HERC3: variants seen among roughly 807,000 people sequenced by gnomAD.
The protein encoded by HERC3 is probable E3 ubiquitin-protein ligase HERC3.
In HERC3, 58 loss-of-function variants were observed where a neutral mutation model predicts 129.9. That is an observed-to-expected ratio of 0.45 (90% CI 0.36 to 0.56). HERC3 has a LOEUF of 0.56. HERC3 is among the 20% of genes least tolerant of loss of function. The probability of loss-of-function intolerance (pLI) is 0.00; values close to 1 mark genes in which losing one functional copy is unlikely to be tolerated. For missense variants in HERC3, 835 were observed against 1,244.2 expected (o/e 0.67, Z 4.95); for synonymous variants, 430 against 451.0 (o/e 0.95, Z 0.59).
the HERC3 span, among the ~76,000 whole-genome samples, chr4:88,572,314 G>C: frequency 1.3e-5 from 2 of 152,020 alleles, no homozygotes; most frequent in African/African-American, 2.4e-5. Context: ...TGTAGTCCCA[G>C]CTACTTGGGC....
chr4:88,631,496 A>G (rs192681425), intron 3 of HERC3, among the ~76,000 whole-genome samples: 14 of 152,314 alleles, frequency 9.2e-5, no homozygotes, highest in African/African-American at 3.4e-4. Flanking sequence ...TCTTATCATA[A>G]CTAATCTTTC....
intron 24 of HERC3, 90 bp downstream of exon 24, chr4:88,704,371 C>T: frequency 2.9e-6 from 4 of 1,395,266 alleles, no homozygotes; most frequent in Non-Finnish European, 4.0e-6. Flanking sequence ...TCGTTCCAAG[C>T]ATACTGTGGT....
At position 88,605,668 on chromosome 4, in the gene HERC3, T is replaced by C. The variant is rs1578151339; in HGVS notation, c.-29-127T>C. On this transcript the variant is annotated intron_variant, in intron 2 of 25. Coordinates refer to ENST00000402738, the MANE Select transcript of HERC3 (RefSeq NM_014606.3). ...TCAACAGTATTAATATGTTTTATTT[T>C]GAGTTGTAAGATATCTGAAGAATAT... is the stretch of plus-strand genomic sequence containing the variant. The C allele has an allele frequency of 7.1e-6, 4 of 566,426 alleles. No homozygotes were observed. The East Asian group carries it at 8.7e-5, about 12-fold the overall frequency. The allele number at this position is 566,426 out of a possible 1,614,324, so 35.1% of individuals were successfully genotyped here.
intron 21 of HERC3, among the ~76,000 whole-genome samples, chr4:88,685,845 T>C (rs1043837196): frequency 1.3e-5 from 2 of 152,170 alleles, no homozygotes; most frequent in Non-Finnish European, 2.9e-5. Context: ...ATTTTATCTG[T>C]GTACTAATAA....
the HERC3 span, among the ~76,000 whole-genome samples, chr4:88,567,288 T>C: frequency 6.6e-6 from 1 of 152,218 alleles, no homozygotes; most frequent in Non-Finnish European, 1.5e-5. Context: ...AGGTTAAATC[T>C]GCTTGGTTTT....
upstream of HERC3, among the ~76,000 whole-genome samples, chr4:88,590,261 CCTT>C (rs1055040924): frequency 2.7e-5 from 4 of 148,832 alleles, no homozygotes; most frequent in Middle Eastern, 3.8e-3. Context: ...GAGCGAGACT[CCTT>C]CTCAAAAAAA....
At chr4:88,562,820 G>A in the HERC3 span, among the ~76,000 whole-genome samples, 1 of 152,144 alleles carries the variant, frequency 6.6e-6, no homozygotes, top group Non-Finnish European at 1.5e-5. Flanking sequence ...TAGATGTATG[G>A]ATTTATTTCT....
At chr4:88,642,867 C>T (rs1305960445) in intron 3 of HERC3, among the ~76,000 whole-genome samples, 1 of 148,154 alleles carries the variant, frequency 6.7e-6, no homozygotes, top group Admixed American at 6.9e-5. Context: ...TATTCAACAT[C>T]ATGCTAGAAG....
chr4:88,697,711 G>T (rs751084080), intron 23 of HERC3: 5 of 1,611,824 alleles, frequency 3.1e-6, no homozygotes, highest in Non-Finnish European at 4.2e-6. Context: ...CGCTGCCGCC[G>T]CCTGGCTAGG....
intron 6 of HERC3, among the ~76,000 whole-genome samples, chr4:88,653,320 T>G (rs1365689566): frequency 6.6e-6 from 1 of 152,072 alleles, no homozygotes; most frequent in East Asian, 1.9e-4. Flanking sequence ...TTACATAAGG[T>G]GGTGGGGAAG....
chr4:88,617,087 T>G (rs1724979202), intron 3 of HERC3, among the ~76,000 whole-genome samples: 1 of 150,950 alleles, frequency 6.6e-6, no homozygotes, highest in South Asian at 2.1e-4. Context: ...ATTTTTCTCC[T>G]TTAGTACGCT....
At chr4:88,542,052 C>T in the HERC3 span, among the ~76,000 whole-genome samples, 59 of 151,986 alleles carry the variant, frequency 3.9e-4, no homozygotes, top group Admixed American at 2.9e-3. Context: ...GAAGCAAGAG[C>T]AAACACATTC....
the HERC3 span, among the ~76,000 whole-genome samples, chr4:88,545,430 C>CCTTTTTTTTTTTTTTTTTTTTTTT: frequency 2.5e-3 from 275 of 110,388 alleles, 11 homozygotes; most frequent in African/African-American, 8.1e-3. Context: ...TTTGAGAATT[C>CCTTTTTTTTTTTTTTTTTTTTTTT]TTTTTTTTTT....
Position 88,668,012 on chromosome 4 carries a change from T to G in HERC3, c.1564T>G (p.Tyr522Asp). 4 of 1,613,606 alleles carry G rather than the reference T, an allele frequency of 2.5e-6. No individual in the cohort carries two copies. Among genetic ancestry groups the G allele is most frequent in the Non-Finnish European group, 3.4e-6 (4 of 1,179,552 alleles). ...EFPLLQDSKY[Y>D]ITLTIPLAMA... Reference sequence around the variant, plus strand: ...TCCCCTACTCCAGGATTCCAAGTATTATATAACATTGACTATTCCCTTGGC... The same window carrying G: ...TCCCCTACTCCAGGATTCCAAGTATGATATAACATTGACTATTCCCTTGGC... Residue 522 changes from tyrosine to aspartate, a missense_variant, in exon 14 of 26, where the codon TAT becomes GAT. By Grantham distance (160) the Tyr-to-Asp change is radical (BLOSUM62 -3). Transcript: ENST00000402738.
chr4:88,559,234 G>T, the HERC3 span, among the ~76,000 whole-genome samples: 1 of 152,080 alleles, frequency 6.6e-6, no homozygotes, highest in Non-Finnish European at 1.5e-5. Flanking sequence ...AGGCATAAAT[G>T]GGTTAATGTA....
At chr4:88,634,999 G>A (rs910613708) in intron 3 of HERC3, among the ~76,000 whole-genome samples, 2 of 152,018 alleles carry the variant, frequency 1.3e-5, no homozygotes, top group African/African-American at 4.8e-5. Context: ...CTTATCCAAG[G>A]GTTAGCAGGC....
chr4:88,541,038 T>C, the HERC3 span, among the ~76,000 whole-genome samples: 1 of 152,178 alleles, frequency 6.6e-6, no homozygotes, highest in African/African-American at 2.4e-5. Flanking sequence ...CATCAATTAA[T>C]GAGCAAAATA....
intron 2 of HERC3, among the ~76,000 whole-genome samples, chr4:88,602,418 A>G (rs1723105879): frequency 1.3e-5 from 2 of 151,664 alleles, no homozygotes; most frequent in Non-Finnish European, 2.9e-5. Context: ...AAAAAAAAAA[A>G]AAAAAAAAGT....
the HERC3 span, among the ~76,000 whole-genome samples, chr4:88,549,948 G>A: frequency 6.6e-6 from 1 of 152,190 alleles, no homozygotes; most frequent in Admixed American, 6.5e-5. Context: ...ACGCGAACAG[G>A]AGGAAGAGTC....
Sources: allele counts gnomAD v4.1 joint callset (sites outside exome capture counted in the v4.1 genomes callset), GRCh38; gene constraint gnomAD v4.1.1; transcripts MANE v1.5; gene names NCBI Gene and HGNC (gene_info 2026-07-23, HGNC 2026-07-21).